Variants in SART1 observed in about 807,000 individuals in gnomAD.
The protein encoded by SART1 is spliceosome associated factor 1, recruiter of U4/U6.U5 tri-snRNP, also known as U4/U6.U5 tri-snRNP-associated protein 1.
Under a neutral mutation model 105.0 loss-of-function variants are expected in SART1, and 28 were observed. The ratio of observed to expected loss-of-function variants is 0.27; its 90% CI spans 0.20 to 0.37. SART1 has a LOEUF of 0.37. Among genes scored for constraint, SART1 ranks in the 10% least tolerant of loss-of-function variants. The pLI, the probability that SART1 is intolerant of heterozygous loss-of-function variation, is 1.00. For synonymous variants in SART1, 472 were observed against 462.9 expected, an observed-to-expected ratio of 1.02 and a Z score of -0.25; for missense variants, 894 against 1,106.5, an observed-to-expected ratio of 0.81 and a Z score of 2.72.
At position 65,965,385 on chromosome 11, in the gene SART1, A is replaced by G. The variant is rs1855228574; in HGVS notation, c.598A>G (p.Thr200Ala). 1 of 1,584,690 alleles carries G rather than the reference A, an allele frequency of 6.3e-7. No homozygotes were observed. ...AGAGGATGACCCCTGGCTGGACGAC[A>G]CTGCAGCCTGGATCGAGAGGAGCCG... ...LGEDDPWLDD[T>A]AAWIERSRQL... The change falls in exon 5 of 20, where the codon ACT becomes GCT. Residue 200 changes from threonine (T) to alanine (A), a missense_variant. Thr to Ala is a moderately conservative substitution (Grantham distance 58). Transcript: ENST00000312397.
intron 12 of SART1, among the ~76,000 whole-genome samples, chr11:65,975,045 GAAAT>G (rs1008950659): frequency 6.8e-6 from 1 of 147,952 alleles, no homozygotes. Context: ...GTCTCAAAAA[GAAAT>G]AAAAATTAAA....
At position 65,977,976 on chromosome 11, in the gene SART1, C is replaced by T. The variant is rs1444415015; in HGVS notation, c.2172+77C>T. On this transcript the variant is annotated intron_variant, in intron 17 of 19. Coordinates refer to ENST00000312397, the MANE Select transcript of SART1 (RefSeq NM_005146.5). ...GCCCAGGGCCATGCAATGCCCCGGG[C>T]CATGCAATGCCCCAGGGTCCTGGCT... is the stretch of plus-strand genomic sequence containing the variant. 3 of 1,465,658 alleles carry T rather than the reference C, an allele frequency of 2.0e-6. No homozygotes were observed. The African/African-American group carries it at 4.2e-5, about 20-fold the overall frequency. 90.8% of individuals were successfully genotyped at this position (1,465,658 alleles called of 1,614,324 possible). A position where few individuals can be genotyped will look rare whatever the true frequency, so the allele number is the denominator to read the frequency against.
chr11:65,966,866 C>G (rs1488423937), intron 9 of SART1, among the ~76,000 whole-genome samples: 2 of 152,194 alleles, frequency 1.3e-5, no homozygotes, highest in East Asian at 3.9e-4. Context: ...CCTGAGGTTG[C>G]TGTGAGGATG....
At chr11:65,963,716 G>A (rs565559208) in intron 1 of SART1, among the ~76,000 whole-genome samples, 13 of 152,200 alleles carry the variant, frequency 8.5e-5, no homozygotes, top group South Asian at 2.1e-4. Flanking sequence ...TTCTGACCTC[G>A]TGATCCATCT....
rs759940858 is a variant in SART1, at chr11:65,966,473, C to T, written c.1105C>T (p.Arg369Trp). Reference sequence around the variant, plus strand: ...GCGGGAGCGGGAGCTGGAGGAGATCCGGGCCAAGCTGCGGCTGCAGGCTCA... The same window carrying T: ...GCGGGAGCGGGAGCTGGAGGAGATCTGGGCCAAGCTGCGGCTGCAGGCTCA... ...GLRERELEEI[R>W]AKLRLQAQSL... The change falls in exon 9 of 20, where the codon CGG becomes TGG. Residue 369 changes from arginine to tryptophan, a missense_variant. Arg to Trp is a moderately radical substitution (Grantham distance 101, BLOSUM62 -3). Coordinates refer to ENST00000312397, the MANE Select transcript of SART1 (RefSeq NM_005146.5). 15 of 1,610,662 alleles carry T rather than the reference C, an allele frequency of 9.3e-6. No individual in the cohort carries two copies. Among genetic ancestry groups the T allele is most frequent in the South Asian group, 5.5e-5 (5 of 90,840 alleles).
In SART1 at chr11:65,966,222, C is replaced by T. The variant is rs759197059; in HGVS notation, c.981+4C>T. ...GAGCGTGGACGACCTGGCGCAGGCA[C>T]GGCCTGGGCAGGCTGGGTGGCGGGG... On this transcript the variant is annotated splice_donor_region_variant and intron_variant, in intron 8 of 19. Transcript: ENST00000312397. 2.3e-5 allele frequency: 37 copies of T among 1,613,836 alleles called. No homozygotes were observed. Among genetic ancestry groups the T allele is most frequent in the African/African-American group, 2.3e-4 (17 of 74,894 alleles).
chr11:65,967,368 G>A lies in SART1; in HGVS notation c.1298G>A (p.Gly433Glu), dbSNP rs1189138178. The change falls in exon 10 of 20, where the codon GGG (glycine) becomes GAG (glutamate). Residue 433 changes from glycine to glutamate, a missense_variant. Gly to Glu is a moderately conservative substitution (Grantham distance 98). Around this residue, in one of 2 missense-constraint regions of SART1, gnomAD observed 712 missense variants for 778.2 expected, o/e 0.91. Transcript: ENST00000312397. ...LLPLGDQTQD[G>E]DFGSRLRGRG... ...CCTCTCGGGGACCAGACTCAGGATG[G>A]GGACTTTGGTTCCAGGTGGGCTTGG... 2 of 1,614,024 alleles carry A rather than the reference G, an allele frequency of 1.2e-6. No individual in the cohort carries two copies. Among genetic ancestry groups the A allele is most frequent in the African/African-American group, 1.3e-5 (1 of 74,938 alleles).
intron 12 of SART1, among the ~76,000 whole-genome samples, chr11:65,975,552 G>T (rs906868898): frequency 6.6e-6 from 1 of 151,130 alleles, no homozygotes. Context: ...GACTATGGGC[G>T]TGTGTGACCA....
Position 65,979,347 on chromosome 11 carries a change from G to C in SART1, c.*317G>C, listed in dbSNP as rs72928854. 9,797 of 488,496 alleles carry C rather than the reference G, an allele frequency of 0.02. 109 individuals are homozygous for C. The highest frequency in any genetic ancestry group is 0.025 in the Non-Finnish European group (6,690 of 268,798). 30.3% of individuals were successfully genotyped at this position (488,496 alleles called of 1,614,324 possible). The stretch of plus-strand genomic sequence containing the variant: ...CATCACCCTGCTCTCTCCTGGCCTC[G>C]GGGGCTGCACAGGTCACTGTCCTGT... On this transcript the variant is annotated 3_prime_UTR_variant, in exon 20 of 20. Transcript: ENST00000312397.
rs1310321937 is a variant in SART1, at chr11:65,978,358, T to G, written c.2173-242T>G. 1 of 562,150 alleles carries G rather than the reference T, an allele frequency of 1.8e-6. No individual in the cohort carries two copies. Among genetic ancestry groups the G allele is most frequent in the Non-Finnish European group, 3.2e-6 (1 of 313,260 alleles). 34.8% of individuals were successfully genotyped at this position (562,150 alleles called of 1,614,324 possible). On this transcript the variant is annotated intron_variant, in intron 17 of 19. Transcript: ENST00000312397. This position sits in a 1 kb window ranked among gnomAD's most constrained non-coding sequence, Gnocchi z 6.8. ...AGGCCCAGCCCCTGCGTGGCAGGTC[T>G]CCAGGTTCCCCATGCTCTGCCCCCA...
chr11:65,969,132 C>T lies in SART1; in HGVS notation c.1572+1311C>T, dbSNP rs115168680. On this transcript the variant is annotated intron_variant, in intron 12 of 19. Coordinates refer to ENST00000312397, the MANE Select transcript of SART1 (RefSeq NM_005146.5). Reference sequence around the variant, plus strand: ...GAAAAAGTGAGGGCTGAACCCGGGACGGAGGCCAGGCTTACTGTTGAAGGG... The same window carrying T: ...GAAAAAGTGAGGGCTGAACCCGGGATGGAGGCCAGGCTTACTGTTGAAGGG... Among the ~76,000 whole-genome samples, 997 of 152,166 alleles carry T rather than the reference C, an allele frequency of 6.6e-3. 6 individuals carry two copies. The highest frequency in any genetic ancestry group is 0.022 in the African/African-American group (908 of 41,504).
intron 12 of SART1, among the ~76,000 whole-genome samples, chr11:65,972,486 G>A (rs1855398008): frequency 6.6e-6 from 1 of 152,188 alleles, no homozygotes; most frequent in South Asian, 2.1e-4. Context: ...CTTTTTGGTA[G>A]AAAAGATTTT....
intron 12 of SART1, among the ~76,000 whole-genome samples, chr11:65,973,545 G>A (rs1315071116): frequency 1.3e-5 from 2 of 152,204 alleles, no homozygotes; most frequent in African/African-American, 2.4e-5. Context: ...GACATGGAGC[G>A]GCCAGAGTCC....
intron 12 of SART1, 151 bp downstream of exon 12, chr11:65,967,972 CAG>C (rs1855296919): frequency 3.0e-6 from 2 of 673,208 alleles, no homozygotes; most frequent in African/African-American, 2.1e-5. Context: ...TTTTTTGAGA[CAG>C]AGTTTCGCTC....
intron 12 of SART1, among the ~76,000 whole-genome samples, chr11:65,973,554 C>T (rs1030088119): frequency 6.6e-6 from 1 of 152,226 alleles, no homozygotes; most frequent in Non-Finnish European, 1.5e-5. Flanking sequence ...CGGCCAGAGT[C>T]CTCAGCCACG....
At chr11:65,971,860 G>A (rs1855385738) in intron 12 of SART1, among the ~76,000 whole-genome samples, 1 of 152,066 alleles carries the variant, frequency 6.6e-6, no homozygotes, top group South Asian at 2.1e-4. Flanking sequence ...TTACTGGATT[G>A]AAGTTAATAC....
chr11:65,978,143 C>T lies in SART1; in HGVS notation c.2172+244C>T, dbSNP rs959419263. On this transcript the variant is annotated intron_variant, in intron 17 of 19. Coordinates refer to ENST00000312397, the MANE Select transcript of SART1 (RefSeq NM_005146.5). This position sits in a 1 kb window ranked among gnomAD's most constrained non-coding sequence, Gnocchi z 6.8. ...CTGGCAGGAGGGTCAGACAGGCACT[C>T]GGGACCTCTGCCCTCCTGTCCTCAC... The T allele has an allele frequency of 3.5e-6, 2 of 565,594 alleles. No individual in the cohort carries two copies. Among genetic ancestry groups the T allele is most frequent in the South Asian group, 2.0e-5 (1 of 49,566 alleles). 35.0% of individuals were successfully genotyped at this position (565,594 alleles called of 1,614,324 possible).
chr11:65,964,168 T>C (rs1338994809), intron 2 of SART1, 37 bp downstream of exon 2: 5 of 1,590,220 alleles, frequency 3.1e-6, no homozygotes, highest in Non-Finnish European at 4.3e-6. Context: ...TTTGTTTTTC[T>C]AAGAGAGGTG....
At position 65,978,581 on chromosome 11, in the gene SART1, T is replaced by C; in HGVS notation, c.2173-19T>C. 6.4e-7 allele frequency: 1 copy of C among 1,552,322 alleles called. No individual in the cohort carries two copies. The highest frequency in any genetic ancestry group is 8.7e-7 in the Non-Finnish European group (1 of 1,147,828). On this transcript the variant is annotated intron_variant, in intron 17 of 19. Coordinates refer to ENST00000312397, the MANE Select transcript of SART1 (RefSeq NM_005146.5). This position sits in a 1 kb window ranked among gnomAD's most constrained non-coding sequence, Gnocchi z 6.8. The stretch of plus-strand genomic sequence containing the variant: ...CCCACCCAGGGCCCTGCATCTCCTC[T>C]CATGCCCCGCGTCCCCAGGCTTTCC...
Sources: gnomAD v4.1 joint callset for allele counts (sites outside exome capture counted in the v4.1 genomes callset) on GRCh38, gnomAD v4.1.1 for gene constraint, gnomAD v4.1.1 regional missense constraint, Gnocchi (gnomAD v3.1) non-coding constraint, MANE v1.5 for transcripts, NCBI Gene and HGNC (gene_info 2026-07-23, HGNC 2026-07-21) for gene names.